Variants in ADGRE1 observed in about 807,000 individuals in gnomAD.
ADGRE1 encodes the protein adhesion G protein-coupled receptor E1.
Under a neutral mutation model 102.7 loss-of-function variants are expected in ADGRE1, and 82 were observed. The ratio of observed to expected loss-of-function variants is 0.80; its 90% CI spans 0.67 to 0.96. The LOEUF is 0.96. ADGRE1 is among the 40% of genes least tolerant of loss of function. The pLI, the probability that ADGRE1 is intolerant of heterozygous loss-of-function variation, is 0.00. For synonymous variants in ADGRE1, 398 were observed against 399.6 expected, an observed-to-expected ratio of 1.00 and a Z score of 0.05; for missense variants, 1,032 against 1,085.3, an observed-to-expected ratio of 0.95 and a Z score of 0.69.
At chr19:6,934,748 C>A (rs896300907) in intron 17 of ADGRE1, among the ~76,000 whole-genome samples, 4 of 151,344 alleles carry the variant, frequency 2.6e-5, no homozygotes, top group African/African-American at 7.3e-5. Context: ...CAGGCATCCA[C>A]CACCATGCAT....
At chr19:6,897,596 T>A in intron 5 of ADGRE1, 49 bp downstream of exon 5, 1 of 1,476,124 alleles carries the variant, frequency 6.8e-7, no homozygotes, top group African/African-American at 1.4e-5. Flanking sequence ...TAATTAAGGG[T>A]CATCTCACTG....
rs759026480 is a variant in ADGRE1 at position 6,908,793 on chromosome 19, A to G, written c.1122+21A>G. The G allele has an allele frequency of 1.6e-5, 25 of 1,594,526 alleles. No homozygotes were observed. The Admixed American group carries it at 1.7e-4, about 11-fold the overall frequency. ...TGAAGGTAACGATTGGGTCTTTTAA[A>G]TTGTGTTTTGAGTTTCAAACATCTT... On this transcript the variant is annotated intron_variant, in intron 10 of 20. Transcript: ENST00000312053.
rs1371305284 is a variant in ADGRE1 at position 6,906,417 on chromosome 19, G to A, written c.950-16G>A. 1 of 1,600,350 alleles carries A rather than the reference G, an allele frequency of 6.2e-7. No homozygotes were observed. Among genetic ancestry groups the A allele is most frequent in the South Asian group, 1.1e-5 (1 of 88,960 alleles). On this transcript the variant is annotated splice_polypyrimidine_tract_variant and intron_variant, in intron 8 of 20. Transcript: ENST00000312053. ...GAGGTTGAAGTTTGGTTTGGTTGCT[G>A]TTGTTTTCTTCCTAGGGGTTCTCTT... is the stretch of plus-strand genomic sequence containing the variant.
intron 18 of ADGRE1, among the ~76,000 whole-genome samples, chr19:6,935,822 G>A (rs1975379965): frequency 6.6e-6 from 1 of 152,206 alleles, no homozygotes; most frequent in African/African-American, 2.4e-5. Context: ...TTCCGACGGT[G>A]AGAATACCTA....
At chr19:6,935,337 A>C (rs762834836) in intron 18 of ADGRE1, among the ~76,000 whole-genome samples, 11 of 152,122 alleles carry the variant, frequency 7.2e-5, no homozygotes, top group Admixed American at 4.6e-4. Context: ...AACATTGCTT[A>C]TTTTAGGTGC....
chr19:6,894,599 G>A (rs765809560), intron 2 of ADGRE1, among the ~76,000 whole-genome samples: 19 of 152,180 alleles, frequency 1.2e-4, no homozygotes, highest in Non-Finnish European at 2.6e-4. Context: ...GAATGATGTG[G>A]TTGGGTCTGG....
intron 5 of ADGRE1, among the ~76,000 whole-genome samples, chr19:6,898,926 A>G (rs1328795872): frequency 2.6e-5 from 4 of 152,036 alleles, no homozygotes; most frequent in East Asian, 1.9e-4. Flanking sequence ...AAAAATTTTT[A>G]TCTGGTTTAA....
chr19:6,907,342 T>A (rs1044830539), intron 9 of ADGRE1, among the ~76,000 whole-genome samples: 3 of 52,698 alleles, frequency 5.7e-5, no homozygotes, highest in African/African-American at 4.4e-4. Context: ...GTTCTAGAAA[T>A]TTTTTTTTTT....
Position 6,926,475 on chromosome 19 carries a change from T to C in ADGRE1, c.2096T>C (p.Val699Ala). Residue 699 changes from valine (V) to alanine (A), a missense_variant, in exon 16 of 21, where the codon GTG (valine) becomes GCG (alanine). Coordinates refer to ENST00000312053, the MANE Select transcript of ADGRE1 (RefSeq NM_001974.5). ...ILFLMVRNLK[V>A]VNYFSSRNIK... ...TTCTTGATGGTCAGAAACCTGAAGG[T>C]GGTGAATTACTTCAGCTCTCGCAAC... The C allele has an allele frequency of 6.2e-7, 1 of 1,614,170 alleles. No individual in the cohort carries two copies. The highest frequency in any genetic ancestry group is 8.5e-7 in the Non-Finnish European group (1 of 1,180,034).
chr19:6,906,434 G>A lies in ADGRE1; in HGVS notation c.951G>A (p.Arg317=). The part of the protein sequence containing the change: ...SQKDGNFSCQ[R]VLFKCKEDVI... Reference sequence around the variant, plus strand: ...TGGTTGCTGTTGTTTTCTTCCTAGGGGTTCTCTTCAAATGTAAGGAAGATG... The same window carrying A: ...TGGTTGCTGTTGTTTTCTTCCTAGGAGTTCTCTTCAAATGTAAGGAAGATG... Residue 317 remains arginine, a splice_region_variant and synonymous_variant, in exon 9 of 21, where the codon AGG becomes AGA. Transcript: ENST00000312053. 6.2e-7 allele frequency: 1 copy of A among 1,611,484 alleles called. No individual in the cohort carries two copies. Among genetic ancestry groups the A allele is most frequent in the Non-Finnish European group, 8.5e-7 (1 of 1,178,330 alleles).
chr19:6,923,900 C>T (rs1425290696), intron 14 of ADGRE1, among the ~76,000 whole-genome samples: 2 of 150,120 alleles, frequency 1.3e-5, no homozygotes, highest in Non-Finnish European at 3.0e-5. Flanking sequence ...TAAGATGGTG[C>T]CTGGCTTATC....
chr19:6,906,364 C>A, intron 8 of ADGRE1, 69 bp from the exon 9 acceptor site: 1 of 1,404,016 alleles, frequency 7.1e-7, no homozygotes, highest in Non-Finnish European at 1.0e-6. Flanking sequence ...GACATGAAAT[C>A]AGACTTGAAT....
chr19:6,935,053 G>A lies in ADGRE1; in HGVS notation c.2356G>A (p.Glu786Lys), dbSNP rs1194991100. The A allele has an allele frequency of 3.1e-6, 5 of 1,600,660 alleles. No homozygotes were observed. The highest frequency in any genetic ancestry group is 3.4e-6 in the Non-Finnish European group (4 of 1,173,152). The change falls in exon 18 of 21, where the codon GAA (glutamate) becomes AAA (lysine). Residue 786 changes from glutamate to lysine, a missense_variant. Glu to Lys is a moderately conservative substitution (Grantham distance 56, BLOSUM62 1). Coordinates refer to ENST00000312053, the MANE Select transcript of ADGRE1 (RefSeq NM_001974.5). ...GCAGAGGCTTTCCAGTGTTAATGCC[G>A]AAGTCTCAACGCTAAAAGACACCAG... ...LRQRLSSVNA[E>K]VSTLKDTRLL...
intron 20 of ADGRE1, among the ~76,000 whole-genome samples, chr19:6,937,952 T>C (rs1199278070): frequency 6.6e-6 from 1 of 151,494 alleles, no homozygotes; most frequent in African/African-American, 2.4e-5. Flanking sequence ...TACATATTTA[T>C]ATGTTATGTT....
rs201716693 is a variant in ADGRE1, at chr19:6,906,398, G to A, written c.950-35G>A. On this transcript the variant is annotated intron_variant, in intron 8 of 20. Transcript: ENST00000312053. ...ATTTTCATCTTATTTTGCTGAGGTTGAAGTTTGGTTTGGTTGCTGTTGTTT... is the reference window on the plus strand; with the variant it reads ...ATTTTCATCTTATTTTGCTGAGGTTAAAGTTTGGTTTGGTTGCTGTTGTTT... 24 of 1,568,284 alleles carry A rather than the reference G, an allele frequency of 1.5e-5. No individual in the cohort carries two copies. In the East Asian group the frequency reaches 4.3e-4, roughly 28 times the overall value.
At chr19:6,919,476 GTGTGT>G in intron 12 of ADGRE1, 67 bp from the exon 13 acceptor site, 1 of 888,854 alleles carries the variant, frequency 1.1e-6, no homozygotes, top group Non-Finnish European at 1.8e-6. Context: ...GTGTGTGTGT[GTGTGT>G]TGGGTCTTCT....
chr19:6,896,772 C>G, intron 3 of ADGRE1: 1 of 337,866 alleles, frequency 3.0e-6, no homozygotes, highest in Non-Finnish European at 4.8e-6. Flanking sequence ...ACATGATTTT[C>G]TTCCTTCCTT....
chr19:6,938,984 C>T lies in ADGRE1; in HGVS notation c.2656-1040C>T, dbSNP rs112717330. Among the ~76,000 whole-genome samples the T allele has an allele frequency of 4.7e-3, 715 of 151,930 alleles. 3 individuals carry two copies. Among genetic ancestry groups the T allele is most frequent in the African/African-American group, 0.011 (459 of 41,416 alleles). On this transcript the variant is annotated intron_variant, in intron 20 of 20. Transcript: ENST00000312053. ...ATAAATTTTGTATTTTTAGTAGAGA[C>T]AGGGTTTCATGATGTTGGCCAGGTT... is the stretch of plus-strand genomic sequence containing the variant.
At chr19:6,907,314 AATC>A (rs1973999234) in intron 9 of ADGRE1, among the ~76,000 whole-genome samples, 1 of 151,792 alleles carries the variant, frequency 6.6e-6, no homozygotes, top group African/African-American at 2.4e-5. Flanking sequence ...AATGTTATGC[AATC>A]ATCACCTCAA....
Sources: gnomAD v4.1 joint callset for allele counts (sites outside exome capture counted in the v4.1 genomes callset) on GRCh38, gnomAD v4.1.1 for gene constraint, MANE v1.5 for transcripts, NCBI Gene and HGNC (gene_info 2026-07-23, HGNC 2026-07-21) for gene names.